TTC39A: variants seen among roughly 807,000 people sequenced by gnomAD.
TTC39A encodes the protein tetratricopeptide repeat domain 39A.
A neutral mutation model predicts 82.3 loss-of-function variants in TTC39A; 46 were observed. The ratio of observed to expected loss-of-function variants is 0.56; its 90% CI spans 0.44 to 0.71. TTC39A has a LOEUF of 0.71. TTC39A is among the 30% of genes least tolerant of loss of function. The pLI is 0.00. For missense variants in TTC39A, 543 were observed against 712.9 expected, an observed-to-expected ratio of 0.76 and a Z score of 2.71; for synonymous variants, 254 against 275.2, an observed-to-expected ratio of 0.92 and a Z score of 0.76.
intron 1 of TTC39A, among the ~76,000 whole-genome samples, chr1:51,342,003 T>C (rs567400413): frequency 2.0e-4 from 30 of 152,328 alleles, no homozygotes; most frequent in African/African-American, 6.5e-4. Flanking sequence ...CTCTCCATTC[T>C]TGAGGAGGCC....
In TTC39A at chr1:51,306,041, C is replaced by A. The variant is rs1362865193; in HGVS notation, c.524G>T (p.Cys175Phe). 1.2e-6 allele frequency: 2 copies of A among 1,613,968 alleles called. No individual in the cohort carries two copies. The highest frequency in any genetic ancestry group is 1.7e-6 in the Non-Finnish European group (2 of 1,179,882). Reference sequence around the variant, plus strand: ...AAAGTGCGGGTGGTTCTCACCCTTGCAGTATTGTGAGGACTGAACAAGGCT... The same window carrying A: ...AAAGTGCGGGTGGTTCTCACCCTTGAAGTATTGTGAGGACTGAACAAGGCT... Reference protein sequence around the residue: ...LDSLVQSSQYCKGENHPHFEG... With the variant: ...LDSLVQSSQYFKGENHPHFEG... The change falls in exon 7 of 18, where the codon TGC becomes TTC. Residue 175 changes from cysteine to phenylalanine, a missense_variant. Physicochemically the swap from Cys to Phe is radical, Grantham distance 205. Coordinates refer to ENST00000680483, the MANE Select transcript of TTC39A (RefSeq NM_001297663.2).
chr1:51,290,421 A>G (rs2148103980), intron 15 of TTC39A, 93 bp downstream of exon 15: 3 of 1,103,766 alleles, frequency 2.7e-6, no homozygotes, highest in Non-Finnish European at 2.6e-6. Context: ...TTGCCAGGGT[A>G]GGGAAAGGAG....
At position 51,303,115 on chromosome 1, in the gene TTC39A, C is replaced by A. The variant is rs759709146; in HGVS notation, c.732G>T (p.Leu244=). Residue 244 remains leucine, a synonymous_variant, in exon 9 of 18, where the codon CTG becomes CTT. Transcript: ENST00000680483. ...FRSVLCVMLL[L]CYHTFLTFVL... ...CGAAGGTGAGGAAGGTGTGGTAGCA[C>A]AGCAGGAGCATGACACAGAGCACAG... The A allele has an allele frequency of 1.9e-6, 3 of 1,594,750 alleles. No individual in the cohort carries two copies. The African/African-American group carries it at 4.0e-5, about 21-fold the overall frequency.
intron 2 of TTC39A, among the ~76,000 whole-genome samples, chr1:51,317,729 G>A (rs923163188): frequency 2.6e-5 from 4 of 152,138 alleles, no homozygotes; most frequent in Non-Finnish European, 4.4e-5. Flanking sequence ...CAGCCTGAGC[G>A]ACAGAGCAAC....
intron 7 of TTC39A, 59 bp from the exon 8 acceptor site, chr1:51,305,205 C>T: frequency 6.5e-7 from 1 of 1,540,124 alleles, no homozygotes; most frequent in Non-Finnish European, 9.0e-7. Flanking sequence ...GGGGCCACCC[C>T]CACTGTCCCA....
At chr1:51,342,568 G>A (rs1274311546) in intron 1 of TTC39A, among the ~76,000 whole-genome samples, 1 of 152,196 alleles carries the variant, frequency 6.6e-6, no homozygotes, top group African/African-American at 2.4e-5. Context: ...CTTTGCCCTT[G>A]GCTATGCTGT....
chr1:51,288,528 AG>A lies in TTC39A; in HGVS notation c.1611-249del, dbSNP rs1247488873. ...TTCCTAAGCTTGAAGGGGTGGTTTT[AG>A]GGAATAGACCCCTACCCTGGAAGGC... On this transcript the variant is annotated intron_variant, in intron 17 of 17. Coordinates refer to ENST00000680483, the MANE Select transcript of TTC39A (RefSeq NM_001297663.2). The surrounding 1 kb of genome is among the most constrained non-coding windows in gnomAD (Gnocchi z 4.8). Among the ~76,000 whole-genome samples the A allele has an allele frequency of 6.6e-6, 1 of 152,142 alleles. No homozygotes were observed. Among genetic ancestry groups the A allele is most frequent in the African/African-American group, 2.4e-5 (1 of 41,442 alleles).
Position 51,330,122 on chromosome 1 carries a change from C to T in TTC39A, c.41+315G>A. The T allele has an allele frequency of 1.0e-6, 1 of 985,214 alleles. No individual in the cohort carries two copies. Among genetic ancestry groups the T allele is most frequent in the Non-Finnish European group, 1.2e-6 (1 of 829,742 alleles). 61.0% of individuals were successfully genotyped at this position (985,214 alleles called of 1,614,324 possible). ...ATGGGGATGAGAGTAACAGGGCCCA[C>T]CCCACAGGAGTGAACGCCACGAGGC... On this transcript the variant is annotated intron_variant, in intron 1 of 17. Transcript: ENST00000680483. This position sits in a 1 kb window ranked among gnomAD's most constrained non-coding sequence, Gnocchi z 4.5.
At chr1:51,343,601 GTC>G (rs1646062723) in intron 1 of TTC39A, among the ~76,000 whole-genome samples, 5 of 152,124 alleles carry the variant, frequency 3.3e-5, no homozygotes, top group Admixed American at 3.3e-4. Flanking sequence ...ACTTGTTTAT[GTC>G]TCTCTTACTA....
At chr1:51,289,666 C>T (rs1468733951) in intron 16 of TTC39A, among the ~76,000 whole-genome samples, 1 of 152,210 alleles carries the variant, frequency 6.6e-6, no homozygotes, top group African/African-American at 2.4e-5. Context: ...CCTGACGAGC[C>T]TTGGTTGGGT....
chr1:51,310,235 TCAA>T (rs778675523), intron 5 of TTC39A, among the ~76,000 whole-genome samples: 29 of 152,108 alleles, frequency 1.9e-4, no homozygotes, highest in Admixed American at 9.2e-4. Flanking sequence ...AGACTCCGTC[TCAA>T]CAACAACAAC....
chr1:51,301,864 C>T (rs1364825680), intron 11 of TTC39A, 131 bp from the exon 12 acceptor site: 1 of 1,378,624 alleles, frequency 7.3e-7, no homozygotes, highest in African/African-American at 1.4e-5. Flanking sequence ...GTGCTAGGCT[C>T]AGGTGGGGCC....
chr1:51,312,795 C>T lies in TTC39A; in HGVS notation c.278+17G>A, dbSNP rs773059284. On this transcript the variant is annotated intron_variant, in intron 3 of 17. Coordinates refer to ENST00000680483, the MANE Select transcript of TTC39A (RefSeq NM_001297663.2). Reference sequence around the variant, plus strand: ...TGGGCCTCCCAACCTCTGATCCCTGCCCCCAATGCCCCCAACCTCTGACAC... The same window carrying T: ...TGGGCCTCCCAACCTCTGATCCCTGTCCCCAATGCCCCCAACCTCTGACAC... 10 of 1,610,580 alleles carry T rather than the reference C, an allele frequency of 6.2e-6. No homozygotes were observed. The highest frequency in any genetic ancestry group is 2.2e-5 in the East Asian group (1 of 44,822).
chr1:51,301,607 C>T lies in TTC39A; in HGVS notation c.1018G>A (p.Ala340Thr), dbSNP rs771399256. 3 of 1,612,874 alleles carry T rather than the reference C, an allele frequency of 1.9e-6. No individual in the cohort carries two copies. The highest frequency in any genetic ancestry group is 1.1e-5 in the South Asian group (1 of 90,806). Residue 340 changes from alanine (A) to threonine (T), a missense_variant, in exon 12 of 18, where the codon GCC becomes ACC. By Grantham distance (58) the Ala-to-Thr change is moderately conservative. Transcript: ENST00000680483. The stretch of plus-strand genomic sequence containing the variant: ...CAGTTCTCCTTGCTGAGCAGGTCGG[C>T]GTAGAAGTAGGACATCTTCCACTGG... ...KGQWKMSYFY[A>T]DLLSKENCWS...
At chr1:51,336,718 CA>C (rs57316451) in intron 1 of TTC39A, among the ~76,000 whole-genome samples, 7,488 of 152,218 alleles carry the variant, frequency 0.049, 291 homozygotes, top group African/African-American at 0.11. Context: ...GTTCAGAGAG[CA>C]GGTTTGAAAG....
chr1:51,307,146 C>A (rs964684203), intron 6 of TTC39A, among the ~76,000 whole-genome samples: 2 of 152,110 alleles, frequency 1.3e-5, no homozygotes, highest in African/African-American at 4.8e-5. Context: ...GCCAGGGTGA[C>A]CTCCCAGGAA....
chr1:51,337,647 G>T (rs1053380312), intron 1 of TTC39A, among the ~76,000 whole-genome samples: 1 of 151,772 alleles, frequency 6.6e-6, no homozygotes, highest in Non-Finnish European at 1.5e-5. Context: ...GGCTGGTCTT[G>T]AACTCCTGAC....
At chr1:51,309,739 C>G (rs1645013948) in intron 5 of TTC39A, among the ~76,000 whole-genome samples, 1 of 152,096 alleles carries the variant, frequency 6.6e-6, no homozygotes, top group Non-Finnish European at 1.5e-5. Flanking sequence ...CTGTGTACAC[C>G]CAACGGAAAC....
rs1644649904 is a variant in TTC39A, at chr1:51,301,391, G to A, written c.1053+181C>T. ...ACTAGAAATCTCTTTGTGACACATTGTGGTTCAGAAGTTTCTCTTGTGGTC... is the reference window on the plus strand; with the variant it reads ...ACTAGAAATCTCTTTGTGACACATTATGGTTCAGAAGTTTCTCTTGTGGTC... On this transcript the variant is annotated intron_variant, in intron 12 of 17. Transcript: ENST00000680483. 5.8e-6 allele frequency: 4 copies of A among 689,846 alleles called. No homozygotes were observed. The Admixed American group carries it at 9.1e-5, about 16-fold the overall frequency. 42.7% of individuals were successfully genotyped at this position (689,846 alleles called of 1,614,324 possible).
Sources: allele counts gnomAD v4.1 joint callset (sites outside exome capture counted in the v4.1 genomes callset), GRCh38; gene constraint gnomAD v4.1.1; non-coding constraint Gnocchi (gnomAD v3.1); transcripts MANE v1.5; gene names NCBI Gene and HGNC (gene_info 2026-07-23, HGNC 2026-07-21).